Variants in NECTIN3 observed in about 807,000 individuals in gnomAD.
NECTIN3 encodes nectin cell adhesion molecule 3.
A neutral mutation model predicts 49.4 loss-of-function variants in NECTIN3; 8 were observed. The observed-to-expected ratio is 0.16, with a 90% confidence interval of 0.10 to 0.29. The LOEUF (loss-of-function observed/expected upper bound fraction) is 0.29, where lower values mean the gene tolerates loss of function less well. NECTIN3 is among the 10% of genes least tolerant of loss of function. The probability of loss-of-function intolerance (pLI) is 1.00; values close to 1 mark genes in which losing one functional copy is unlikely to be tolerated. For missense variants in NECTIN3, 581 were observed against 654.6 expected (o/e 0.89, Z 1.23); for synonymous variants, 277 against 241.1 (o/e 1.15, Z -1.38).
chr3:111,146,160 C>G (rs901211523), intron 6 of NECTIN3, among the ~76,000 whole-genome samples: 2 of 152,100 alleles, frequency 1.3e-5, no homozygotes, highest in African/African-American at 2.4e-5. Flanking sequence ...AGCGGCCGAG[C>G]GCGGTGGCTC....
Position 111,163,683 on chromosome 3 carries a change from G to C in NECTIN3, c.1221+16199G>C, listed in dbSNP as rs183819811. Among the ~76,000 whole-genome samples the C allele has an allele frequency of 2.0e-3, 297 of 152,244 alleles. 1 individual carries two copies. The highest frequency in any genetic ancestry group is 1.9e-3 in the Non-Finnish European group (132 of 68,000). Reference sequence around the variant, plus strand: ...TCTGCTGACCAATGAAAGACTGAAAGTAAAATTTTAATGCTAATAGGAAAG... The same window carrying C: ...TCTGCTGACCAATGAAAGACTGAAACTAAAATTTTAATGCTAATAGGAAAG... On this transcript the variant is annotated intron_variant, in intron 7 of 8. Coordinates refer to the NECTIN3 transcript ENST00000493615.
chr3:111,102,422 T>A (rs2107424955), intron 1 of NECTIN3, among the ~76,000 whole-genome samples: 1 of 152,308 alleles, frequency 6.6e-6, no homozygotes, highest in African/African-American at 2.4e-5. Flanking sequence ...AAATTCATAA[T>A]CCATCAAAAC....
At chr3:111,172,589 G>C (rs2035454620) in intron 7 of NECTIN3, among the ~76,000 whole-genome samples, 2 of 152,148 alleles carry the variant, frequency 1.3e-5, no homozygotes, top group South Asian at 4.2e-4. Flanking sequence ...TTAATAGAAG[G>C]GAAGAAAAGG....
At chr3:111,180,344 G>A (rs948508443) in intron 7 of NECTIN3, among the ~76,000 whole-genome samples, 1 of 152,190 alleles carries the variant, frequency 6.6e-6, no homozygotes, top group African/African-American at 2.4e-5. Flanking sequence ...CTAAGGGTCT[G>A]CTAAAATAAT....
chr3:111,105,762 A>C (rs1157118688), intron 1 of NECTIN3, among the ~76,000 whole-genome samples: 1 of 152,178 alleles, frequency 6.6e-6, no homozygotes, highest in Middle Eastern at 3.2e-3. Context: ...AGCTCTATTT[A>C]GTTTCTCTGT....
At chr3:111,094,099 G>A (rs2032441268) in intron 1 of NECTIN3, among the ~76,000 whole-genome samples, 1 of 151,416 alleles carries the variant, frequency 6.6e-6, no homozygotes, top group African/African-American at 2.4e-5. Flanking sequence ...CAATACTTTT[G>A]TATCACTTAT....
chr3:111,136,931 A>G lies in NECTIN3; in HGVS notation c.*2716A>G. ...GAAGTGCTTTAGAGTTGAAAGATTTAGTATTTTACCACGTGCCTAGTAGGG... is the reference window on the plus strand; with the variant it reads ...GAAGTGCTTTAGAGTTGAAAGATTTGGTATTTTACCACGTGCCTAGTAGGG... On this transcript the variant is annotated 3_prime_UTR_variant, in exon 6 of 6. Transcript: ENST00000485303. 1 of 971,832 alleles carries G rather than the reference A, an allele frequency of 1.0e-6. No individual in the cohort carries two copies. The highest frequency in any genetic ancestry group is 1.2e-6 in the Non-Finnish European group (1 of 817,720). The allele number at this position is 971,832 out of a possible 1,614,324, so 60.2% of individuals were successfully genotyped here.
chr3:111,126,091 A>G, intron 4 of NECTIN3, 93 bp from the exon 5 acceptor site: 2 of 864,564 alleles, frequency 2.3e-6, no homozygotes, highest in Non-Finnish European at 3.2e-6. Context: ...TATTTTGACT[A>G]ACATCTCAAA....
In NECTIN3 at chr3:111,142,921, C is replaced by G. The variant is rs536040744; in HGVS notation, c.1001-1978C>G. Among the ~76,000 whole-genome samples the G allele has an allele frequency of 9.9e-5, 15 of 151,782 alleles. No homozygotes were observed. In the East Asian group the frequency reaches 2.9e-3, roughly 29 times the overall value. ...AGAAAAATTTCCAAGAGAGGAAGACCTTTAGAATAATTGGTGTGGAGTAAA... is the reference window on the plus strand; with the variant it reads ...AGAAAAATTTCCAAGAGAGGAAGACGTTTAGAATAATTGGTGTGGAGTAAA... On this transcript the variant is annotated intron_variant, in intron 5 of 8. Transcript: ENST00000493615.
intron 7 of NECTIN3, among the ~76,000 whole-genome samples, chr3:111,148,937 C>T (rs555363543): frequency 1.3e-5 from 2 of 152,114 alleles, no homozygotes; most frequent in African/African-American, 2.4e-5. Context: ...CCTTACATTT[C>T]CTTCTCTCTC....
At position 111,089,437 on chromosome 3, in the gene NECTIN3, A is replaced by ATGTT. The variant is rs1207378254; in HGVS notation, c.160+17261_160+17262insGTTT. ...TGTGTGTGTGTGTGTGTGTATGTAT[A>ATGTT]TAAACATATACATACACACACATAT... On this transcript the variant is annotated intron_variant, in intron 1 of 5. Coordinates refer to ENST00000485303, the MANE Select transcript of NECTIN3 (RefSeq NM_015480.3). Among the ~76,000 whole-genome samples, 36 of 150,436 alleles carry ATGTT rather than the reference A, an allele frequency of 2.4e-4. No homozygotes were observed. The East Asian group carries it at 4.5e-3, about 19-fold the overall frequency.
In NECTIN3 at chr3:111,118,927, A is replaced by T. The variant is rs2033825623; in HGVS notation, c.774A>T (p.Arg258=). ...ATCCAGCCTTGGAAAAGGACATCCG[A>T]TACTCTTTCATATTAGACATACAGT... ...VKHPALEKDI[R]YSFILDIQYA... The change falls in exon 3 of 6, where the codon CGA becomes CGT. Residue 258 remains arginine (R), a synonymous_variant. Coordinates refer to ENST00000485303, the MANE Select transcript of NECTIN3 (RefSeq NM_015480.3). The T allele has an allele frequency of 6.2e-7, 1 of 1,613,730 alleles. No homozygotes were observed. Among genetic ancestry groups the T allele is most frequent in the Non-Finnish European group, 8.5e-7 (1 of 1,179,790 alleles).
intron 1 of NECTIN3, among the ~76,000 whole-genome samples, chr3:111,105,754 C>T (rs2033152944): frequency 6.6e-6 from 1 of 152,174 alleles, no homozygotes; most frequent in Admixed American, 6.5e-5. Flanking sequence ...GACTGCCTAG[C>T]TCTATTTAGT....
At chr3:111,101,011 A>G (rs1218526013) in intron 1 of NECTIN3, among the ~76,000 whole-genome samples, 1 of 152,134 alleles carries the variant, frequency 6.6e-6, no homozygotes, top group African/African-American at 2.4e-5. Context: ...AGTTGGGAAG[A>G]TAACTGTTGA....
downstream of NECTIN3, among the ~76,000 whole-genome samples, chr3:111,141,591 A>G (rs1208552090): frequency 6.6e-6 from 1 of 151,904 alleles, no homozygotes; most frequent in Non-Finnish European, 1.5e-5. Flanking sequence ...AGACATGTGC[A>G]TGCTATCTTT....
intron 7 of NECTIN3, among the ~76,000 whole-genome samples, chr3:111,152,581 C>T (rs750646242): frequency 2.6e-5 from 4 of 151,838 alleles, no homozygotes; most frequent in South Asian, 4.2e-4. Context: ...AACCTCTAAA[C>T]GTTTTATAAG....
chr3:111,108,416 C>A (rs2033305042), intron 1 of NECTIN3, among the ~76,000 whole-genome samples: 1 of 152,040 alleles, frequency 6.6e-6, no homozygotes, highest in African/African-American at 2.4e-5. Flanking sequence ...CTCCACCCCA[C>A]AACAGTATCT....
intron 7 of NECTIN3, among the ~76,000 whole-genome samples, chr3:111,186,871 A>G (rs1391679817): frequency 6.6e-6 from 1 of 152,228 alleles, no homozygotes; most frequent in Non-Finnish European, 1.5e-5. Flanking sequence ...GCTTTCTAGG[A>G]AAAGATACAA....
intron 7 of NECTIN3, among the ~76,000 whole-genome samples, chr3:111,147,901 A>G (rs1043681040): frequency 6.6e-6 from 1 of 152,152 alleles, no homozygotes; most frequent in Admixed American, 6.5e-5. Flanking sequence ...GGAGTGTACT[A>G]TATTTTATTC....
Sources: allele counts gnomAD v4.1 joint callset (sites outside exome capture counted in the v4.1 genomes callset), GRCh38; gene constraint gnomAD v4.1.1; transcripts MANE v1.5; gene names NCBI Gene and HGNC (gene_info 2026-07-23, HGNC 2026-07-21).